Variants in ZNF69 observed in about 807,000 individuals in gnomAD.
ZNF69 encodes the protein zinc finger protein 69, also known as ZNF3.
Under a neutral mutation model 50.9 loss-of-function variants are expected in ZNF69, and 47 were observed. The observed-to-expected ratio is 0.92, with a 90% CI of 0.73 to 1.18. ZNF69 has a LOEUF of 1.18. ZNF69 is among the 50% of genes most tolerant of loss of function. The pLI, the probability that ZNF69 is intolerant of heterozygous loss-of-function variation, is 0.00. For missense variants in ZNF69, 717 were observed against 675.1 expected, an observed-to-expected ratio of 1.06 and a Z score of -0.69; for synonymous variants, 216 against 223.1, an observed-to-expected ratio of 0.97 and a Z score of 0.29.
chr19:11,918,242 G>GAATT (rs1270510070), downstream of ZNF69, among the ~76,000 whole-genome samples: 1 of 152,168 alleles, frequency 6.6e-6, no homozygotes, highest in Admixed American at 6.5e-5. Context: ...TGTAACTTAT[G>GAATT]AATTAACCAT....
intron 1 of ZNF69, among the ~76,000 whole-genome samples, chr19:11,892,136 T>C (rs1421987207): frequency 2.5e-5 from 1 of 39,360 alleles, no homozygotes; most frequent in Non-Finnish European, 4.6e-5. Context: ...TCCTGGCTGA[T>C]TTTTTTTTTT....
intron 3 of ZNF69, among the ~76,000 whole-genome samples, chr19:11,904,375 T>G (rs1972314966): frequency 1.3e-5 from 2 of 152,270 alleles, no homozygotes; most frequent in African/African-American, 4.8e-5. Context: ...ACGAGACCCC[T>G]AAATAAAAGA....
the ZNF69 span, among the ~76,000 whole-genome samples, chr19:11,927,463 T>TAAAA: frequency 6.7e-5 from 10 of 148,754 alleles, no homozygotes; most frequent in African/African-American, 2.5e-4. Context: ...AATAAATAAA[T>TAAAA]AGAAAAGGAA....
chr19:11,966,177 T>G, the ZNF69 span, among the ~76,000 whole-genome samples: 2 of 152,228 alleles, frequency 1.3e-5, no homozygotes, highest in Non-Finnish European at 2.9e-5. Flanking sequence ...ACAAGGAGTC[T>G]GTTTTTCCAG....
the ZNF69 span, among the ~76,000 whole-genome samples, chr19:11,923,993 A>G: frequency 1.3e-5 from 2 of 152,120 alleles, no homozygotes; most frequent in Non-Finnish European, 2.9e-5. Context: ...GAAGCTGCAG[A>G]GCCCTGGAAA....
the ZNF69 span, among the ~76,000 whole-genome samples, chr19:11,940,440 A>G: frequency 3.3e-5 from 5 of 151,988 alleles, no homozygotes; most frequent in Admixed American, 6.6e-5. Flanking sequence ...TCGCTGGCTC[A>G]GGAGTGAAGC....
intron 1 of ZNF69, among the ~76,000 whole-genome samples, chr19:11,891,129 G>A (rs977986062): frequency 5.3e-5 from 8 of 152,078 alleles, no homozygotes; most frequent in African/African-American, 1.9e-4. Flanking sequence ...AAGGGAGTTT[G>A]TTGAAAGCTA....
the ZNF69 span, among the ~76,000 whole-genome samples, chr19:11,945,325 T>G: frequency 7.5e-3 from 1,142 of 152,312 alleles, 13 homozygotes; most frequent in African/African-American, 0.027. Flanking sequence ...CTCACCTGCC[T>G]TCTGGTTTTA....
chr19:11,943,957 G>C, the ZNF69 span, among the ~76,000 whole-genome samples: 2 of 152,102 alleles, frequency 1.3e-5, no homozygotes, highest in Middle Eastern at 6.8e-3. Flanking sequence ...TGCCTCCCAG[G>C]AGCTGCAGGT....
At chr19:11,916,960 G>A (rs765639531), downstream of ZNF69, among the ~76,000 whole-genome samples, 12 of 151,906 alleles carry the variant, frequency 7.9e-5, no homozygotes, top group African/African-American at 1.5e-4. Context: ...GATTTGACTC[G>A]TCCTGAGTTG....
the ZNF69 span, chr19:11,978,946 A>G: frequency 1.2e-6 from 2 of 1,614,092 alleles, no homozygotes; most frequent in East Asian, 2.2e-5. Context: ...AAGCCTTATC[A>G]ATGTAAGGAA....
At chr19:11,899,320 G>T (rs1207811195) in intron 1 of ZNF69, among the ~76,000 whole-genome samples, 4 of 152,050 alleles carry the variant, frequency 2.6e-5, no homozygotes, top group African/African-American at 9.7e-5. Context: ...TTTATCTAAA[G>T]ATTTTTGTTT....
At chr19:11,976,555 CA>C in the ZNF69 span, among the ~76,000 whole-genome samples, 5,980 of 73,684 alleles carry the variant, frequency 0.081, 398 homozygotes, top group African/African-American at 0.26. Flanking sequence ...GACTCTGTCT[CA>C]AAAAAAAAAA....
chr19:11,901,684 A>G (rs562495796), intron 1 of ZNF69, among the ~76,000 whole-genome samples: 5 of 152,062 alleles, frequency 3.3e-5, no homozygotes, highest in Admixed American at 6.5e-5. Context: ...GATTTCCACC[A>G]TGTTGGCCAG....
At chr19:11,968,071 C>T in the ZNF69 span, among the ~76,000 whole-genome samples, 1 of 152,106 alleles carries the variant, frequency 6.6e-6, no homozygotes, top group African/African-American at 2.4e-5. Flanking sequence ...TAATGTCAAA[C>T]ATGTTATGAC....
the ZNF69 span, among the ~76,000 whole-genome samples, chr19:11,945,656 C>G: frequency 6.6e-6 from 1 of 152,126 alleles, no homozygotes; most frequent in Admixed American, 6.5e-5. Flanking sequence ...TTGACCATCA[C>G]TTAGCCAGAG....
At chr19:11,956,420 A>C in the ZNF69 span, 161 of 394,356 alleles carry the variant, frequency 4.1e-4, no homozygotes, top group African/African-American at 2.7e-3. Flanking sequence ...TAAGTGCCTT[A>C]TAATTTCCTT....
At chr19:11,888,205 G>A (rs2145203422) in intron 1 of ZNF69, among the ~76,000 whole-genome samples, 1 of 152,240 alleles carries the variant, frequency 6.6e-6, no homozygotes, top group East Asian at 1.9e-4. Context: ...CGGCGACTGC[G>A]GTTCCAGAGC....
chr19:11,930,003 C>G, the ZNF69 span, among the ~76,000 whole-genome samples: 1 of 148,068 alleles, frequency 6.8e-6, no homozygotes, highest in Non-Finnish European at 1.5e-5. Flanking sequence ...AGTTTTAGAA[C>G]TGCCTGTAGC....
Sources: gnomAD v4.1 joint callset for allele counts (sites outside exome capture counted in the v4.1 genomes callset) on GRCh38, gnomAD v4.1.1 for gene constraint, MANE v1.5 for transcripts, NCBI Gene and HGNC (gene_info 2026-07-23, HGNC 2026-07-21) for gene names.